FMN2: variants seen among roughly 807,000 people sequenced by gnomAD.
The protein encoded by FMN2 is formin 2, also known as formin-2.
A neutral mutation model predicts 142.3 loss-of-function variants in FMN2; 51 were observed. That is an observed-to-expected ratio of 0.36 (90% CI 0.29 to 0.45). The LOEUF (loss-of-function observed/expected upper bound fraction) is 0.45, where lower values mean the gene tolerates loss of function less well. FMN2 is among the 20% of genes least tolerant of loss of function. FMN2 has a pLI of 1.00. For missense variants in FMN2, 1,936 were observed against 2,122.8 expected, an observed-to-expected ratio of 0.91 and a Z score of 1.73; for synonymous variants, 882 against 869.8, an observed-to-expected ratio of 1.01 and a Z score of -0.25.
At chr1:240,166,177 G>A (rs559188904) in intron 2 of FMN2, among the ~76,000 whole-genome samples, 264 of 148,800 alleles carry the variant, frequency 1.8e-3, no homozygotes, top group African/African-American at 6.0e-3. Flanking sequence ...ATAAATAAAC[G>A]TTACCTCATT....
intron 15 of FMN2, among the ~76,000 whole-genome samples, chr1:240,412,563 CA>C (rs1270436157): frequency 1.1e-4 from 17 of 151,754 alleles, no homozygotes; most frequent in Non-Finnish European, 2.4e-4. Context: ...TCACAAAACA[CA>C]AGAAAATGAT....
Position 240,474,320 on chromosome 1 carries a change from A to G in FMN2, c.*166A>G, listed in dbSNP as rs887526139. On this transcript the variant is annotated 3_prime_UTR_variant, in exon 18 of 18. Coordinates refer to ENST00000319653, the MANE Select transcript of FMN2 (RefSeq NM_020066.5). ...TTCACTAATTGTTGAATTTTACTGT[A>G]TATTCATATAAAAATGCAAACGTAC... The G allele has an allele frequency of 1.8e-5, 11 of 609,998 alleles. No homozygotes were observed. The highest frequency in any genetic ancestry group is 1.6e-4 in the African/African-American group (8 of 50,946). 37.8% of individuals were successfully genotyped at this position (609,998 alleles called of 1,614,324 possible).
At chr1:240,426,899 C>T (rs111885780) in intron 15 of FMN2, among the ~76,000 whole-genome samples, 196 of 151,858 alleles carry the variant, frequency 1.3e-3, no homozygotes, top group African/African-American at 4.1e-3. Flanking sequence ...CCACCATGCC[C>T]GGCTAATTTT....
chr1:240,449,421 G>A (rs1464576235), intron 16 of FMN2, among the ~76,000 whole-genome samples: 1 of 152,122 alleles, frequency 6.6e-6, no homozygotes, highest in Non-Finnish European at 1.5e-5. Flanking sequence ...GCAGCTGCTA[G>A]GTCATGAGAA....
chr1:240,458,745 G>C (rs1195598683), intron 16 of FMN2: 1 of 152,174 alleles, frequency 6.6e-6, no homozygotes, highest in African/African-American at 2.4e-5. Flanking sequence ...CTGGCTGTCA[G>C]ATGCAATTTT....
At chr1:240,199,377 A>G (rs957688792) in intron 4 of FMN2, among the ~76,000 whole-genome samples, 2 of 152,230 alleles carry the variant, frequency 1.3e-5, no homozygotes, top group African/African-American at 2.4e-5. Flanking sequence ...CATAATAAAC[A>G]TAATAAAGTT....
intron 6 of FMN2, among the ~76,000 whole-genome samples, chr1:240,227,074 A>G (rs1486331206): frequency 1.3e-5 from 2 of 152,230 alleles, no homozygotes; most frequent in Non-Finnish European, 2.9e-5. Context: ...AGATGACATG[A>G]TCTTGTATGT....
intron 8 of FMN2, among the ~76,000 whole-genome samples, chr1:240,305,677 C>G (rs1670362502): frequency 6.6e-6 from 1 of 152,110 alleles, no homozygotes; most frequent in Non-Finnish European, 1.5e-5. Context: ...TCCAGACTTG[C>G]AGAAACGTAG....
intron 17 of FMN2, 105 bp downstream of exon 17, chr1:240,472,558 GAATA>G (rs1676846411): frequency 2.9e-6 from 2 of 691,094 alleles, no homozygotes; most frequent in Non-Finnish European, 4.6e-6. Flanking sequence ...TACTAAGTGT[GAATA>G]AATAAGGAGC....
chr1:240,372,468 AT>A (rs982764322), intron 14 of FMN2, among the ~76,000 whole-genome samples: 36 of 151,438 alleles, frequency 2.4e-4, no homozygotes, highest in African/African-American at 6.8e-4. Flanking sequence ...ATGATTTCTT[AT>A]TTTTTTCTTC....
chr1:240,396,288 T>A (rs1673769288), intron 15 of FMN2, among the ~76,000 whole-genome samples: 1 of 150,488 alleles, frequency 6.6e-6, no homozygotes, highest in African/African-American at 2.5e-5. Context: ...AAACCCACAA[T>A]ATCTCCGAGG....
chr1:240,437,072 A>T (rs989071958), intron 15 of FMN2, among the ~76,000 whole-genome samples: 13 of 152,156 alleles, frequency 8.5e-5, no homozygotes, highest in Non-Finnish European at 1.5e-4. Flanking sequence ...GACTTTTGTG[A>T]AGTCAGAAAC....
At chr1:240,330,499 C>T (rs1022257550) in intron 10 of FMN2, 104 bp from the exon 11 acceptor site, 14 of 1,228,064 alleles carry the variant, frequency 1.1e-5, no homozygotes, top group Middle Eastern at 2.8e-4. Context: ...TCGGTTGTGA[C>T]CCAAAACTCC....
chr1:240,429,017 T>C lies in FMN2; in HGVS notation c.4911-9044T>C, dbSNP rs1675050198. Among the ~76,000 whole-genome samples, 3 of 152,272 alleles carry C rather than the reference T, an allele frequency of 2.0e-5. No homozygotes were observed. The South Asian group carries it at 6.2e-4, about 32-fold the overall frequency. ...AATTTCTCTTTGATTTAAAAACTTT[T>C]CCTTATTTTATTTCTGTTTTCATTA... is the stretch of plus-strand genomic sequence containing the variant. On this transcript the variant is annotated intron_variant, in intron 15 of 17. Transcript: ENST00000319653.
chr1:240,164,290 T>C (rs948130437), intron 2 of FMN2, among the ~76,000 whole-genome samples: 1 of 152,174 alleles, frequency 6.6e-6, no homozygotes, highest in Non-Finnish European at 1.5e-5. Context: ...AAGACCTGTT[T>C]CCAGACAAAT....
intron 16 of FMN2, among the ~76,000 whole-genome samples, chr1:240,447,464 G>A (rs1009046734): frequency 3.3e-5 from 5 of 152,130 alleles, no homozygotes; most frequent in African/African-American, 9.7e-5. Context: ...TAGTCCTCAG[G>A]GAAATGCAAA....
intron 4 of FMN2, among the ~76,000 whole-genome samples, chr1:240,192,558 C>T (rs1017444895): frequency 3.9e-5 from 6 of 152,004 alleles, no homozygotes; most frequent in East Asian, 1.9e-4. Flanking sequence ...TAAAATAAGG[C>T]GGAGTAAGAA....
intron 16 of FMN2, among the ~76,000 whole-genome samples, chr1:240,459,668 T>C (rs1027330578): frequency 3.0e-4 from 40 of 132,166 alleles, no homozygotes; most frequent in African/African-American, 1.1e-3. Context: ...AGTGAGCTGC[T>C]ATCGTGCCAC....
intron 2 of FMN2, among the ~76,000 whole-genome samples, chr1:240,150,660 G>A (rs971075188): frequency 2.0e-4 from 31 of 152,270 alleles, no homozygotes; most frequent in Non-Finnish European, 1.0e-4. Flanking sequence ...CTAGTGACCC[G>A]TTTAATGCTA....
Sources: gnomAD v4.1 joint callset for allele counts (sites outside exome capture counted in the v4.1 genomes callset) on GRCh38, gnomAD v4.1.1 for gene constraint, MANE v1.5 for transcripts, NCBI Gene and HGNC (gene_info 2026-07-23, HGNC 2026-07-21) for gene names.